RNF111: variants seen among roughly 807,000 people sequenced by gnomAD.
RNF111 encodes E3 ubiquitin-protein ligase Arkadia.
RNF111 carries 17 observed loss-of-function variants against 95.1 expected under a neutral mutation model. The observed-to-expected ratio is 0.18, with a 90% CI of 0.12 to 0.27. RNF111 has a LOEUF of 0.27. Ranked by LOEUF, RNF111 falls within the 10% of genes least tolerant of loss-of-function variation. RNF111 has a pLI of 1.00. For synonymous variants in RNF111, 440 were observed against 414.8 expected (o/e 1.06, Z -0.74); for missense variants, 1,189 against 1,210.4 (o/e 0.98, Z 0.26).
intron 1 of RNF111, among the ~76,000 whole-genome samples, chr15:59,002,424 G>A (rs2039362709): frequency 6.6e-6 from 1 of 152,094 alleles, no homozygotes; most frequent in South Asian, 2.1e-4. Flanking sequence ...TCTTATGTGA[G>A]GGACAAGTTC....
intron 1 of RNF111, among the ~76,000 whole-genome samples, chr15:59,016,477 A>G (rs138367923): frequency 6.6e-6 from 1 of 152,282 alleles, no homozygotes; most frequent in African/African-American, 2.4e-5. Flanking sequence ...GAGCTTCTTG[A>G]AGGATGGGAA....
intron 6 of RNF111, among the ~76,000 whole-genome samples, chr15:59,074,294 C>G (rs905589185): frequency 6.6e-6 from 1 of 152,182 alleles, no homozygotes; most frequent in Non-Finnish European, 1.5e-5. Context: ...AACTTTGAAG[C>G]CAGCCATTGA....
intron 13 of RNF111, chr15:59,093,334 C>CAT: frequency 2.2e-5 from 9 of 400,940 alleles, no homozygotes; most frequent in Non-Finnish European, 2.9e-5. Context: ...TGTTTTACAG[C>CAT]ATCTTTTTTT....
intron 2 of RNF111, among the ~76,000 whole-genome samples, chr15:59,041,654 G>C (rs2041456664): frequency 6.6e-6 from 1 of 152,108 alleles, no homozygotes; most frequent in South Asian, 2.1e-4. Context: ...ATTCTAGAAG[G>C]CAGTTGTTGA....
At chr15:59,081,385 T>C in intron 8 of RNF111, 101 bp downstream of exon 8, 1 of 999,298 alleles carries the variant, frequency 1.0e-6, no homozygotes, top group Non-Finnish European at 1.5e-6. Context: ...TGGCATGCAC[T>C]TGTAGTCACA....
At chr15:58,997,487 T>TA (rs1409229086) in intron 1 of RNF111, among the ~76,000 whole-genome samples, 5 of 151,248 alleles carry the variant, frequency 3.3e-5, no homozygotes, top group African/African-American at 4.9e-5. Context: ...TAGTAATCAC[T>TA]ATGTTCTTCA....
chr15:59,003,998 C>T (rs780960677), intron 1 of RNF111: 11 of 176,394 alleles, frequency 6.2e-5, no homozygotes, highest in Non-Finnish European at 1.1e-4. Context: ...TGTTCTCATT[C>T]CAGATGCTTG....
intron 1 of RNF111, among the ~76,000 whole-genome samples, chr15:58,991,535 G>A (rs1223315844): frequency 2.0e-5 from 3 of 152,108 alleles, no homozygotes; most frequent in East Asian, 1.9e-4. Context: ...CATGTGATAC[G>A]GCATGGATGG....
In RNF111 at chr15:59,031,113, C is replaced by T; in HGVS notation, c.291C>T (p.Ser97=). 1 of 1,614,194 alleles carries T rather than the reference C, an allele frequency of 6.2e-7. No individual in the cohort carries two copies. The highest frequency in any genetic ancestry group is 1.1e-5 in the South Asian group (1 of 91,076). The change falls in exon 2 of 14, where the codon AGC becomes AGT. Residue 97 remains serine, a synonymous_variant. Coordinates refer to ENST00000348370, the MANE Select transcript of RNF111 (RefSeq NM_017610.8). ...TCGTTGTGAGGAAAAAACGCAAAAG[C>T]CAGCAGGCTGGCCCTTCGTATGTGC... ...KSLVVRKKRK[S]QQAGPSYVQN... is the part of the protein sequence containing the mutation.
intron 1 of RNF111, among the ~76,000 whole-genome samples, chr15:59,004,420 T>C (rs1596049438): frequency 6.6e-6 from 1 of 152,344 alleles, no homozygotes; most frequent in Middle Eastern, 3.4e-3. Context: ...TTACTATTTT[T>C]ATCTAGAATA....
rs1172283458 is a variant in RNF111 at position 59,058,335 on chromosome 15, T to A, written c.1172-21T>A. 1.9e-6 allele frequency: 3 copies of A among 1,603,034 alleles called. No individual in the cohort carries two copies. The East Asian group carries it at 6.7e-5, about 36-fold the overall frequency. ...ATCTAATTTGTTTTGAAATGCTAAG[T>A]TGACATTTTGTATTTTGTAGAACCT... On this transcript the variant is annotated intron_variant, in intron 4 of 13. Coordinates refer to ENST00000348370, the MANE Select transcript of RNF111 (RefSeq NM_017610.8).
intron 1 of RNF111, among the ~76,000 whole-genome samples, chr15:58,991,211 T>A (rs943587011): frequency 7.9e-5 from 12 of 151,920 alleles, no homozygotes; most frequent in Non-Finnish European, 1.6e-4. Context: ...AAGGCAGAAT[T>A]GCTTGAACCC....
Position 59,066,833 on chromosome 15 carries a change from C to G in RNF111, c.1436C>G (p.Ser479Cys). Reference protein sequence around the residue: ...TGPPAMPRLPSCCPQHSPCGG... With the variant: ...TGPPAMPRLPCCCPQHSPCGG... ...CCTCCTGCAATGCCAAGGTTACCTT[C>G]CTGCTGTCCCCAGCACTCACCATGT... is the stretch of plus-strand genomic sequence containing the variant. The change falls in exon 6 of 14, where the codon TCC becomes TGC. Residue 479 changes from serine (S) to cysteine (C), a missense_variant. By Grantham distance (112) the Ser-to-Cys change is moderately radical. Transcript: ENST00000348370. The G allele has an allele frequency of 6.2e-7, 1 of 1,614,126 alleles. No homozygotes were observed. The highest frequency in any genetic ancestry group is 2.2e-5 in the East Asian group (1 of 44,876).
intron 6 of RNF111, among the ~76,000 whole-genome samples, chr15:59,070,731 A>G (rs1431766730): frequency 6.6e-6 from 1 of 152,072 alleles, no homozygotes; most frequent in African/African-American, 2.4e-5. Context: ...CTTTCCTTTC[A>G]GCACCCAGAG....
intron 1 of RNF111, among the ~76,000 whole-genome samples, chr15:59,002,930 T>A (rs1029496847): frequency 6.6e-6 from 1 of 152,328 alleles, no homozygotes; most frequent in African/African-American, 2.4e-5. Flanking sequence ...TTCATGTCTT[T>A]AGCTTCTTAG....
chr15:59,010,346 G>T (rs1390751221), intron 1 of RNF111, among the ~76,000 whole-genome samples: 1 of 152,104 alleles, frequency 6.6e-6, no homozygotes, highest in Non-Finnish European at 1.5e-5. Flanking sequence ...TTTTGCAGCT[G>T]TGTCTGTCTT....
chr15:59,052,196 T>A, intron 2 of RNF111, 109 bp from the exon 3 acceptor site: 1 of 1,013,284 alleles, frequency 9.9e-7, no homozygotes, highest in Non-Finnish European at 1.4e-6. Context: ...CAGATAAGAT[T>A]TTTATTTTTG....
At position 59,027,298 on chromosome 15, in the gene RNF111, A is replaced by G. The variant is rs77180945; in HGVS notation, c.-19-3506A>G. Among the ~76,000 whole-genome samples the G allele has an allele frequency of 3.7e-4, 56 of 152,270 alleles. No individual in the cohort carries two copies. The East Asian group carries it at 7.9e-3, about 22-fold the overall frequency. On this transcript the variant is annotated intron_variant, in intron 1 of 13. Coordinates refer to ENST00000348370, the MANE Select transcript of RNF111 (RefSeq NM_017610.8). ...TCTGGAAGAACCCCAGCTGTTTCCAACATACATCATGAGACTTCTGTTGCT... is the reference window on the plus strand; with the variant it reads ...TCTGGAAGAACCCCAGCTGTTTCCAGCATACATCATGAGACTTCTGTTGCT...
intron 1 of RNF111, among the ~76,000 whole-genome samples, chr15:58,992,276 C>A (rs371794178): frequency 6.6e-6 from 1 of 152,170 alleles, no homozygotes; most frequent in Admixed American, 6.5e-5. Context: ...AACTCGTGAT[C>A]TCAGGTGATT....
Sources: allele counts gnomAD v4.1 joint callset (sites outside exome capture counted in the v4.1 genomes callset), GRCh38; gene constraint gnomAD v4.1.1; transcripts MANE v1.5; gene names NCBI Gene and HGNC (gene_info 2026-07-23, HGNC 2026-07-21).